The following KCNT2 variants were observed in gnomAD, a reference collection of about 807,000 sequenced individuals.
KCNT2 encodes potassium channel subfamily T member 2.
KCNT2 carries 67 observed loss-of-function variants against 153.8 expected under a neutral mutation model. The observed-to-expected ratio is 0.44, with a 90% CI of 0.36 to 0.53. The LOEUF is 0.53. Ranked by LOEUF, KCNT2 falls within the 20% of genes least tolerant of loss-of-function variation. KCNT2 has a pLI of 0.00. For synonymous variants in KCNT2, 500 were observed against 458.8 expected (o/e 1.09, Z -1.15); for missense variants, 975 against 1,354.8 (o/e 0.72, Z 4.40).
intron 7 of KCNT2, 69 bp from the exon 8 acceptor site, chr1:196,465,456 T>TAAATGTA: frequency 3.6e-6 from 3 of 841,490 alleles, no homozygotes; most frequent in African/African-American, 3.4e-5. Context: ...TCATTACATT[T>TAAATGTA]ATTAGCATAC....
At chr1:196,355,485 T>C (rs1049496885) in intron 14 of KCNT2, among the ~76,000 whole-genome samples, 2 of 151,886 alleles carry the variant, frequency 1.3e-5, no homozygotes, top group East Asian at 1.9e-4. Flanking sequence ...CAAGCATTAT[T>C]GACAGTGATC....
chr1:196,389,582 T>C (rs1266723837), intron 13 of KCNT2, among the ~76,000 whole-genome samples: 1 of 151,696 alleles, frequency 6.6e-6, no homozygotes, highest in African/African-American at 2.4e-5. Flanking sequence ...TTTTAAACTT[T>C]CAAGGGCAGT....
At chr1:196,248,686 C>G (rs1202040525) in intron 26 of KCNT2, among the ~76,000 whole-genome samples, 1 of 152,088 alleles carries the variant, frequency 6.6e-6, no homozygotes, top group Non-Finnish European at 1.5e-5. Context: ...GCCTCAGACC[C>G]TTATGGCTAC....
intron 1 of KCNT2, among the ~76,000 whole-genome samples, chr1:196,577,862 T>C (rs1661550422): frequency 6.6e-6 from 1 of 152,130 alleles, no homozygotes; most frequent in Non-Finnish European, 1.5e-5. Flanking sequence ...GACAAAAAAG[T>C]AGAATTCATA....
chr1:196,318,059 A>G (rs998175613), intron 20 of KCNT2, among the ~76,000 whole-genome samples: 11 of 151,438 alleles, frequency 7.3e-5, no homozygotes, highest in Non-Finnish European at 1.6e-4. Flanking sequence ...TAATTTCTGC[A>G]AGGCCATTGC....
intron 8 of KCNT2, among the ~76,000 whole-genome samples, chr1:196,457,808 A>G (rs1025098111): frequency 1.1e-4 from 17 of 151,922 alleles, no homozygotes; most frequent in African/African-American, 4.1e-4. Context: ...GCCCTGACCT[A>G]GAAGAGATTG....
At chr1:196,232,980 A>G (rs1447621039) in intron 27 of KCNT2, among the ~76,000 whole-genome samples, 3 of 151,390 alleles carry the variant, frequency 2.0e-5, no homozygotes, top group Non-Finnish European at 4.4e-5. Context: ...GCTGGAATTA[A>G]TATGGGTAGA....
At chr1:196,605,576 G>C (rs577713507) in intron 1 of KCNT2, among the ~76,000 whole-genome samples, 1 of 152,280 alleles carries the variant, frequency 6.6e-6, no homozygotes, top group East Asian at 1.9e-4. Flanking sequence ...AATATGGGCA[G>C]AGCACTAAAT....
chr1:196,231,603 C>T (rs1653963405), intron 27 of KCNT2, among the ~76,000 whole-genome samples: 1 of 151,830 alleles, frequency 6.6e-6, no homozygotes, highest in Admixed American at 6.6e-5. Context: ...GTTGAACTTG[C>T]CTCTCCAGGC....
Position 196,423,112 on chromosome 1 carries a change from T to C in KCNT2, c.1123A>G (p.Met375Val). The C allele has an allele frequency of 6.3e-7, 1 of 1,594,400 alleles. No individual in the cohort carries two copies. The highest frequency in any genetic ancestry group is 8.6e-7 in the Non-Finnish European group (1 of 1,166,742). Residue 375 changes from methionine to valine, a missense_variant and splice_region_variant, in exon 12 of 28, where the codon ATG (methionine) becomes GTG (valine). Met to Val is a conservative substitution (Grantham distance 21, BLOSUM62 1). This residue lies in a region of KCNT2 where 202 missense variants were observed against 314.9 expected (regional missense o/e 0.64). Coordinates refer to ENST00000294725, the MANE Select transcript of KCNT2 (RefSeq NM_198503.5). ...ATAAAACAGGCCTCAGCGTCATCCA[T>C]CCTAAATACAGATGGAAAAACAAAA... ...LKDQDLLRAK[M>V]DDAEACFILS...
At position 196,282,414 on chromosome 1, in the gene KCNT2, G is replaced by A. The variant is rs1057037343; in HGVS notation, c.2698-58C>T. 10 of 850,550 alleles carry A rather than the reference G, an allele frequency of 1.2e-5. No homozygotes were observed. In the African/African-American group the frequency reaches 1.6e-4, roughly 13 times the overall value. The allele number at this position is 850,550 out of a possible 1,614,324, so 52.7% of individuals were successfully genotyped here. A position where few individuals can be genotyped will look rare whatever the true frequency, so the allele number is the denominator to read the frequency against. On this transcript the variant is annotated intron_variant, in intron 23 of 27. Coordinates refer to ENST00000294725, the MANE Select transcript of KCNT2 (RefSeq NM_198503.5). ...GTATATTTATATATAATGTGTATGA[G>A]ATGTGTAGAACAGCTAAAAGTGTGA...
At chr1:196,489,761 A>T (rs1217017518) in intron 3 of KCNT2, 77 bp downstream of exon 3, 1 of 829,436 alleles carries the variant, frequency 1.2e-6, no homozygotes, top group South Asian at 1.6e-5. Flanking sequence ...TCTACACAAC[A>T]TGCTTTAAAT....
At chr1:196,584,090 A>G (rs867172587) in intron 1 of KCNT2, among the ~76,000 whole-genome samples, 2 of 151,882 alleles carry the variant, frequency 1.3e-5, no homozygotes, top group Admixed American at 1.3e-4. Flanking sequence ...AACTAAAGGA[A>G]CTATAAAGGC....
intron 13 of KCNT2, among the ~76,000 whole-genome samples, chr1:196,373,744 C>T (rs981406921): frequency 1.3e-4 from 20 of 151,668 alleles, no homozygotes; most frequent in African/African-American, 4.8e-4. Flanking sequence ...TAATATGTGC[C>T]TAGCATAGAA....
intron 14 of KCNT2, among the ~76,000 whole-genome samples, chr1:196,372,651 A>G (rs191657366): frequency 6.6e-6 from 1 of 152,022 alleles, no homozygotes; most frequent in African/African-American, 2.4e-5. Context: ...TGCATTAGCT[A>G]ATTTTATACA....
Position 196,305,286 on chromosome 1 carries a change from A to G in KCNT2, c.2543T>C (p.Met848Thr). Residue 848 changes from methionine to threonine, a missense_variant, in exon 22 of 28, where the codon ATG becomes ACG. Physicochemically the swap from Met to Thr is moderately conservative, Grantham distance 81 (BLOSUM62 -1). Around this residue, in one of 6 missense-constraint regions of KCNT2, gnomAD observed 66 missense variants for 147.9 expected, o/e 0.45. Transcript: ENST00000294725. ...GTAACAGTCTTTGGCTCTGAATTGC[A>G]TGAATCTCATGTTGGCGGGGTGAGT... The part of the protein sequence containing the change: ...ELTHPANMRF[M>T]QFRAKDCYSL... 1.2e-6 allele frequency: 2 copies of G among 1,612,984 alleles called. No homozygotes were observed. The highest frequency in any genetic ancestry group is 1.7e-6 in the Non-Finnish European group (2 of 1,179,292).
intron 25 of KCNT2, among the ~76,000 whole-genome samples, chr1:196,266,358 T>G (rs2147810453): frequency 6.6e-6 from 1 of 152,300 alleles, no homozygotes; most frequent in African/African-American, 2.4e-5. Context: ...CCCCTTACTC[T>G]TATGGAGGTG....
At chr1:196,604,884 G>A (rs1218230118) in intron 1 of KCNT2, among the ~76,000 whole-genome samples, 3 of 151,866 alleles carry the variant, frequency 2.0e-5, no homozygotes, top group African/African-American at 7.3e-5. Flanking sequence ...GTATGTGTAT[G>A]TGTTTTTACC....
intron 18 of KCNT2, among the ~76,000 whole-genome samples, chr1:196,328,702 G>T (rs910274917): frequency 2.0e-5 from 3 of 149,182 alleles, no homozygotes; most frequent in African/African-American, 7.4e-5. Flanking sequence ...CATCTTTCAA[G>T]AATGAGACCA....
Sources: allele counts gnomAD v4.1 joint callset (sites outside exome capture counted in the v4.1 genomes callset), GRCh38; gene constraint gnomAD v4.1.1; regional missense constraint gnomAD v4.1.1; transcripts MANE v1.5; gene names NCBI Gene and HGNC (gene_info 2026-07-23, HGNC 2026-07-21).